PDCD6: variants seen among roughly 807,000 people sequenced by gnomAD.
PDCD6 encodes programmed cell death protein 6.
In PDCD6, 12 loss-of-function variants were observed where a neutral mutation model predicts 28.3. The observed-to-expected ratio is 0.42, with a 90% CI of 0.27 to 0.69. PDCD6 has a LOEUF of 0.69. Among genes scored for constraint, PDCD6 ranks in the 30% least tolerant of loss-of-function variants. The pLI is 0.22. For missense variants in PDCD6, 226 were observed against 269.9 expected (o/e 0.84, Z 1.14); for synonymous variants, 92 against 108.0 (o/e 0.85, Z 0.92).
At position 271,818 on chromosome 5, in the gene PDCD6, A is replaced by G. The variant is rs752976402; in HGVS notation, c.98A>G (p.Gln33Arg). 11 of 1,434,398 alleles carry G rather than the reference A, an allele frequency of 7.7e-6. No individual in the cohort carries two copies. Among genetic ancestry groups the G allele is most frequent in the South Asian group, 4.4e-5 (3 of 68,542 alleles). 88.9% of individuals were successfully genotyped at this position (1,434,398 alleles called of 1,614,324 possible). A position where few individuals can be genotyped will look rare whatever the true frequency, so the allele number is the denominator to read the frequency against. The change falls in exon 1 of 6, where the codon CAG (glutamine) becomes CGG (arginine). Residue 33 changes from glutamine (Q) to arginine (R), a missense_variant. Transcript: ENST00000264933. Reference sequence around the variant, plus strand: ...CAGAGCTTCCTGTGGAACGTTTTCCAGAGGTGCGGCCTGGCACCGCCCGGG... The same window carrying G: ...CAGAGCTTCCTGTGGAACGTTTTCCGGAGGTGCGGCCTGGCACCGCCCGGG... ...PDQSFLWNVF[Q>R]RVDKDRSGVI...
chr5:296,585 A>C (rs146338592), intron 2 of PDCD6, among the ~76,000 whole-genome samples: 338 of 152,358 alleles, frequency 2.2e-3, no homozygotes, highest in Non-Finnish European at 3.8e-3. Context: ...TGAGTGGATG[A>C]AGCAGCAAAA....
intron 2 of PDCD6, among the ~76,000 whole-genome samples, chr5:295,014 C>T (rs1375279508): frequency 2.0e-4 from 30 of 151,808 alleles, no homozygotes; most frequent in African/African-American, 4.8e-4. Context: ...CGAGGGGCTA[C>T]GGGTGGAGGG....
chr5:285,291 C>G (rs1738877259), intron 2 of PDCD6, among the ~76,000 whole-genome samples: 1 of 151,970 alleles, frequency 6.6e-6, no homozygotes, highest in South Asian at 2.1e-4. Context: ...CGGGGGGGAA[C>G]TGATGCTGCA....
intron 2 of PDCD6, among the ~76,000 whole-genome samples, chr5:278,853 G>A (rs1738380299): frequency 6.7e-6 from 1 of 149,988 alleles, no homozygotes; most frequent in East Asian, 2.0e-4. Context: ...GGATGCGGGG[G>A]AGGGTGCTGG....
intron 2 of PDCD6, among the ~76,000 whole-genome samples, chr5:282,272 CGG>C (rs56327944): frequency 0.17 from 12,793 of 76,810 alleles, 947 homozygotes; most frequent in Non-Finnish European, 0.22. Context: ...GCGGAAAAAT[CGG>C]GGGGGGGGGA....
intron 2 of PDCD6, among the ~76,000 whole-genome samples, chr5:284,030 C>T (rs1738768421): frequency 6.6e-6 from 1 of 151,848 alleles, no homozygotes; most frequent in African/African-American, 2.4e-5. Context: ...CGGGGTGGAG[C>T]TTATGTTGTT....
chr5:278,377 G>A (rs754539131), intron 2 of PDCD6, among the ~76,000 whole-genome samples: 12 of 151,992 alleles, frequency 7.9e-5, no homozygotes, highest in South Asian at 4.2e-4. Flanking sequence ...GAAAATACAC[G>A]TGTCCTTAGT....
At chr5:274,210 C>A (rs1738035392) in intron 2 of PDCD6, among the ~76,000 whole-genome samples, 1 of 152,194 alleles carries the variant, frequency 6.6e-6, no homozygotes, top group Admixed American at 6.5e-5. Flanking sequence ...GTTTCAGAGA[C>A]ATTTATTTTG....
chr5:294,127 T>C (rs1414724257), intron 2 of PDCD6, among the ~76,000 whole-genome samples: 69 of 144,702 alleles, frequency 4.8e-4, no homozygotes, highest in African/African-American at 1.4e-3. Context: ...AAAATTTGTA[T>C]GGCCTGGGGT....
At chr5:303,069 G>A (rs1225304257) in intron 2 of PDCD6, among the ~76,000 whole-genome samples, 1 of 152,184 alleles carries the variant, frequency 6.6e-6, no homozygotes, top group Non-Finnish European at 1.5e-5. Flanking sequence ...AGGAAGGAAA[G>A]GAAGGAGCTG....
At chr5:287,993 A>G (rs1273079694) in intron 2 of PDCD6, among the ~76,000 whole-genome samples, 2 of 152,204 alleles carry the variant, frequency 1.3e-5, no homozygotes, top group African/African-American at 4.8e-5. Flanking sequence ...CACAATTTCC[A>G]AAAATAAAGA....
intron 2 of PDCD6, chr5:289,942 T>C (rs1477245798): frequency 6.4e-7 from 1 of 1,551,366 alleles, no homozygotes; most frequent in Non-Finnish European, 8.9e-7. Context: ...AACCATCACA[T>C]CCTTTTCTAC....
chr5:275,049 G>A (rs904051689), intron 2 of PDCD6, among the ~76,000 whole-genome samples: 18 of 80,634 alleles, frequency 2.2e-4, no homozygotes, highest in African/African-American at 7.8e-4. Context: ...CTTTACCTTG[G>A]GCTCTGAGCT....
intron 2 of PDCD6, among the ~76,000 whole-genome samples, chr5:282,885 C>T (rs576383972): frequency 6.6e-6 from 1 of 151,758 alleles, no homozygotes; most frequent in African/African-American, 2.4e-5. Flanking sequence ...CAGCTGAAGT[C>T]TCGGGGATGA....
chr5:288,488 C>G (rs1739121787), intron 2 of PDCD6, among the ~76,000 whole-genome samples: 1 of 151,150 alleles, frequency 6.6e-6, no homozygotes, highest in South Asian at 2.1e-4. Flanking sequence ...TATGTATAAA[C>G]TAAATGTGAT....
At chr5:298,170 G>T (rs1739740599) in intron 2 of PDCD6, among the ~76,000 whole-genome samples, 1 of 152,170 alleles carries the variant, frequency 6.6e-6, no homozygotes, top group Non-Finnish European at 1.5e-5. Context: ...CACGGGTCGA[G>T]CTGGAGAAGC....
intron 2 of PDCD6, chr5:277,025 T>C: frequency 7.0e-6 from 6 of 855,376 alleles, no homozygotes; most frequent in Non-Finnish European, 8.4e-6. Flanking sequence ...AACTTTGTGC[T>C]TCTGAAGTAG....
rs371761537 is a variant in PDCD6, at chr5:311,421, G to A, written c.477+19G>A. The A allele has an allele frequency of 8.5e-5, 133 of 1,558,762 alleles. No individual in the cohort carries two copies. Among genetic ancestry groups the A allele is most frequent in the Non-Finnish European group, 1.2e-4 (131 of 1,130,060 alleles). ...CCTGCAGGTGACGGAATGGCTTCAC[G>A]TGGGTTTGTGGTGGTGGTGGGAGGG... On this transcript the variant is annotated intron_variant, in intron 5 of 5. Transcript: ENST00000264933.
In PDCD6 at chr5:282,097, C is replaced by T. The variant is rs1045508975; in HGVS notation, c.163+9325C>T. 1.6e-4 allele frequency among the ~76,000 whole-genome samples: 23 copies of T among 145,902 alleles called. 1 individual carries two copies. The highest frequency in any genetic ancestry group is 5.4e-4 in the African/African-American group (21 of 38,770). ...CAGTTGAAGATTCAGGGAGGAACTG[C>T]TCATGTAGTTTGAGGGTCATGGAAC... On this transcript the variant is annotated intron_variant, in intron 2 of 5. Transcript: ENST00000264933.
Sources: allele counts gnomAD v4.1 joint callset (sites outside exome capture counted in the v4.1 genomes callset), GRCh38; gene constraint gnomAD v4.1.1; transcripts MANE v1.5; gene names NCBI Gene and HGNC (gene_info 2026-07-23, HGNC 2026-07-21).